MERTK: variants seen among roughly 807,000 people sequenced by gnomAD.
MERTK encodes MER proto-oncogene, tyrosine kinase, also known as tyrosine-protein kinase Mer.
In MERTK, 69 loss-of-function variants were observed where a neutral mutation model predicts 99.3. The observed-to-expected ratio is 0.70, with a 90% CI of 0.57 to 0.85. The LOEUF is 0.85. Ranked by LOEUF, MERTK falls within the 40% of genes least tolerant of loss-of-function variation. The pLI is 0.00. For synonymous variants in MERTK, 426 were observed against 467.6 expected (o/e 0.91, Z 1.15); for missense variants, 1,125 against 1,249.4 (o/e 0.90, Z 1.50).
intron 3 of MERTK, 25 bp from the exon 4 acceptor site, chr2:111,947,369 C>A: frequency 6.4e-7 from 1 of 1,550,446 alleles, no homozygotes; most frequent in South Asian, 1.1e-5. Context: ...CTGAAACATT[C>A]TTTTGTGTAA....
At position 112,028,923 on chromosome 2, in the gene MERTK, C is replaced by T; in HGVS notation, c.*59C>T. 3.1e-6 allele frequency: 5 copies of T among 1,610,156 alleles called. No individual in the cohort carries two copies. Among genetic ancestry groups the T allele is most frequent in the Non-Finnish European group, 3.4e-6 (4 of 1,179,084 alleles). ...CCAATTCTTCTGCTGTAGGAGAATC[C>T]AATTGTACCTGATGTTTTTGGTATT... On this transcript the variant is annotated 3_prime_UTR_variant, in exon 19 of 19. Transcript: ENST00000295408.
At position 112,001,252 on chromosome 2, in the gene MERTK, G is replaced by A. The variant is rs763227015; in HGVS notation, c.1656G>A (p.Lys552=). ...AATTAGTGGTGAATTATATAGCAAA[G>A]AAATCCTTCTGTCGGCGAGCCATTG... ...DSELVVNYIA[K]KSFCRRAIEL... The change falls in exon 11 of 19, where the codon AAG becomes AAA. Residue 552 remains lysine (K), a synonymous_variant. Coordinates refer to ENST00000295408, the MANE Select transcript of MERTK (RefSeq NM_006343.3). 1 of 1,613,842 alleles carries A rather than the reference G, an allele frequency of 6.2e-7. No homozygotes were observed. Among genetic ancestry groups the A allele is most frequent in the Non-Finnish European group, 8.5e-7 (1 of 1,179,854 alleles).
intron 15 of MERTK, among the ~76,000 whole-genome samples, chr2:112,012,769 T>C (rs1677133237): frequency 6.6e-6 from 1 of 152,124 alleles, no homozygotes; most frequent in Non-Finnish European, 1.5e-5. Flanking sequence ...AGAGTTACAG[T>C]GAACCATGAT....
At chr2:111,958,924 T>G (rs1464242432) in intron 4 of MERTK, among the ~76,000 whole-genome samples, 1 of 145,016 alleles carries the variant, frequency 6.9e-6, no homozygotes, top group Admixed American at 6.8e-5. Context: ...ATTTTGTAGT[T>G]TGTATTCAAG....
At chr2:111,994,762 A>T in intron 9 of MERTK, 1 of 251,708 alleles carries the variant, frequency 4.0e-6, no homozygotes, top group South Asian at 5.0e-5. Flanking sequence ...TAGGTAACAG[A>T]GTGAGACCCT....
chr2:111,954,043 G>A (rs1003731336), intron 4 of MERTK, among the ~76,000 whole-genome samples: 4 of 152,210 alleles, frequency 2.6e-5, no homozygotes, highest in African/African-American at 9.7e-5. Context: ...ACCATAGTGA[G>A]TGATGCTCCA....
rs1291162883 is a variant in MERTK at position 112,008,420 on chromosome 2, C to T, written c.1905C>T (p.Leu635=). 1 of 1,614,120 alleles carries T rather than the reference C, an allele frequency of 6.2e-7. No individual in the cohort carries two copies. The highest frequency in any genetic ancestry group is 8.5e-7 in the Non-Finnish European group (1 of 1,179,988). Reference sequence around the variant, plus strand: ...CACAGCGGGAGATCGAGGAGTTTCTCAGTGAGGCAGCGTGCATGAAAGACT... The same window carrying T: ...CACAGCGGGAGATCGAGGAGTTTCTTAGTGAGGCAGCGTGCATGAAAGACT... The part of the protein sequence containing the change: ...NSSQREIEEF[L]SEAACMKDFS... Residue 635 remains leucine (L), a synonymous_variant, in exon 14 of 19, where the codon CTC becomes CTT. Coordinates refer to ENST00000295408, the MANE Select transcript of MERTK (RefSeq NM_006343.3).
chr2:112,008,272 A>G (rs949822177), intron 13 of MERTK, 111 bp from the exon 14 acceptor site: 222 of 782,062 alleles, frequency 2.8e-4, no homozygotes, highest in Middle Eastern at 1.2e-3. Context: ...CTGTCTCTAT[A>G]CTTTCATCTC....
intron 15 of MERTK, among the ~76,000 whole-genome samples, chr2:112,018,117 T>G (rs1378310958): frequency 2.6e-5 from 4 of 152,236 alleles, no homozygotes; most frequent in Non-Finnish European, 5.9e-5. Flanking sequence ...AATTTCATTT[T>G]CAGATTATTC....
intron 15 of MERTK, chr2:112,015,755 A>G (rs967846374): frequency 6.5e-6 from 1 of 153,910 alleles, no homozygotes; most frequent in African/African-American, 2.4e-5. Flanking sequence ...AACCCCTAGT[A>G]AAAAGATTTT....
intron 8 of MERTK, among the ~76,000 whole-genome samples, chr2:111,986,565 C>T (rs1399667602): frequency 2.0e-5 from 3 of 152,170 alleles, no homozygotes; most frequent in African/African-American, 7.2e-5. Context: ...TGAGCCGAGG[C>T]GTTCTGAAGG....
intron 1 of MERTK, among the ~76,000 whole-genome samples, chr2:111,900,948 G>A (rs1361428342): frequency 6.6e-6 from 1 of 152,178 alleles, no homozygotes; most frequent in African/African-American, 2.4e-5. Context: ...ATGAGAATAT[G>A]TGTGTAGATT....
intron 8 of MERTK, among the ~76,000 whole-genome samples, chr2:111,992,614 G>C (rs1375246574): frequency 2.0e-5 from 3 of 151,958 alleles, no homozygotes; most frequent in Non-Finnish European, 2.9e-5. Flanking sequence ...AGCTTGGTGT[G>C]GTGGTGTGCA....
rs527236084 is a variant in MERTK at position 111,994,404 on chromosome 2, G to A, written c.1450G>A (p.Gly484Ser). The change falls in exon 9 of 19, where the codon GGT becomes AGT. Residue 484 changes from glycine to serine, a missense_variant and splice_region_variant. Physicochemically the swap from Gly to Ser is moderately conservative, Grantham distance 56. Transcript: ENST00000295408. The stretch of plus-strand genomic sequence containing the variant: ...AGTGAAAATATTTATCCCTGCACAC[G>A]GTGAGAGCTATACCCAGTAAGGGCT... ...DPVKIFIPAH[G>S]WVDYAPSSTP... 19 of 1,614,056 alleles carry A rather than the reference G, an allele frequency of 1.2e-5. No homozygotes were observed. The highest frequency in any genetic ancestry group is 3.3e-4 in the Middle Eastern group (2 of 6,060).
intron 1 of MERTK, among the ~76,000 whole-genome samples, chr2:111,900,502 G>A (rs933701947): frequency 6.6e-6 from 1 of 152,190 alleles, no homozygotes; most frequent in Admixed American, 6.5e-5. Context: ...TGAATGTGGT[G>A]AGAACTATGG....
intron 1 of MERTK, among the ~76,000 whole-genome samples, chr2:111,911,650 C>T (rs1450508116): frequency 6.7e-6 from 1 of 150,364 alleles, no homozygotes; most frequent in Non-Finnish European, 1.5e-5. Context: ...CTCAGCCTCC[C>T]AAGTGCTGGG....
intron 8 of MERTK, 105 bp downstream of exon 8, chr2:111,983,098 T>C: frequency 7.4e-7 from 1 of 1,358,732 alleles, no homozygotes; most frequent in Non-Finnish European, 1.0e-6. Context: ...CCTGGTGTGA[T>C]TGAGTTAGGC....
At chr2:111,902,758 C>T (rs1684068000) in intron 1 of MERTK, among the ~76,000 whole-genome samples, 2 of 150,664 alleles carry the variant, frequency 1.3e-5, no homozygotes, top group Admixed American at 1.3e-4. Context: ...CTTCTCACAA[C>T]CTGATCAGTT....
At chr2:112,017,974 A>G (rs571594230) in intron 15 of MERTK, among the ~76,000 whole-genome samples, 65 of 152,338 alleles carry the variant, frequency 4.3e-4, no homozygotes, top group African/African-American at 1.6e-3. Flanking sequence ...GAAGTAGCAC[A>G]GTTCCAGAGT....
Sources: gnomAD v4.1 joint callset for allele counts (sites outside exome capture counted in the v4.1 genomes callset) on GRCh38, gnomAD v4.1.1 for gene constraint, MANE v1.5 for transcripts, NCBI Gene and HGNC (gene_info 2026-07-23, HGNC 2026-07-21) for gene names.